Variants in OTOGL observed in about 807,000 individuals in gnomAD.
OTOGL encodes otogelin like.
In OTOGL, 285 loss-of-function variants were observed where a neutral mutation model predicts 318.5. The ratio of observed to expected loss-of-function variants is 0.89; its 90% CI spans 0.81 to 0.99. The LOEUF (loss-of-function observed/expected upper bound fraction) is 0.99. OTOGL is among the 50% of genes least tolerant of loss of function. The probability of loss-of-function intolerance (pLI) is 0.00; values close to 1 mark genes in which losing one functional copy is unlikely to be tolerated. For missense variants in OTOGL, 2,899 were observed against 2,845.6 expected (o/e 1.02, Z -0.43); for synonymous variants, 987 against 936.5 (o/e 1.05, Z -0.99).
In OTOGL at chr12:80,376,992, A is replaced by G. The variant is rs1891206902; in HGVS notation, c.6782-131A>G. 7 of 530,660 alleles carry G rather than the reference A, an allele frequency of 1.3e-5. No individual in the cohort carries two copies. In the East Asian group the frequency reaches 2.3e-4, roughly 18 times the overall value. 32.9% of individuals were successfully genotyped at this position (530,660 alleles called of 1,614,324 possible). ...TAAAAATGTAAGAGAGAAGTTTTAA[A>G]TATCTTTCAATACTGGAATATATTT... On this transcript the variant is annotated intron_variant, in intron 57 of 58. Transcript: ENST00000547103.
chr12:80,225,043 CA>C (rs1327638097), intron 7 of OTOGL, among the ~76,000 whole-genome samples: 1 of 150,522 alleles, frequency 6.6e-6, no homozygotes, highest in Non-Finnish European at 1.5e-5. Flanking sequence ...TATGTAACCA[CA>C]AAAATCAAAA....
At chr12:80,204,971 C>A (rs1876710390) in intron 1 of OTOGL, among the ~76,000 whole-genome samples, 1 of 151,924 alleles carries the variant, frequency 6.6e-6, no homozygotes, top group African/African-American at 2.4e-5. Context: ...GACATGGACC[C>A]CAAATTCAAA....
chr12:80,152,757 C>T lies in OTOGL; in HGVS notation c.-20+53152C>T, dbSNP rs1009396370. 2.6e-5 allele frequency among the ~76,000 whole-genome samples: 4 copies of T among 152,272 alleles called. No individual in the cohort carries two copies. The East Asian group carries it at 7.7e-4, about 29-fold the overall frequency. ...AGGCTGGAGTGCCGTGGCACAATCT[C>T]AGCTCACTGCAACCTCCACCTCCCG... On this transcript the variant is annotated intron_variant, in intron 1 of 58. Coordinates refer to ENST00000547103, the MANE Select transcript of OTOGL (RefSeq NM_001378609.3).
intron 1 of OTOGL, among the ~76,000 whole-genome samples, chr12:80,147,441 CT>C (rs1474928081): frequency 2.0e-5 from 3 of 150,876 alleles, no homozygotes; most frequent in Non-Finnish European, 4.4e-5. Flanking sequence ...AATCTCTGTT[CT>C]TTTACATTTG....
chr12:80,356,662 T>C (rs1889920769), intron 48 of OTOGL, 142 bp downstream of exon 48: 1 of 691,812 alleles, frequency 1.4e-6, no homozygotes, highest in Non-Finnish European at 2.2e-6. Context: ...TTAAACCTGG[T>C]ATATATCTTT....
chr12:80,212,781 A>C (rs1362188119), intron 4 of OTOGL, among the ~76,000 whole-genome samples: 1 of 152,188 alleles, frequency 6.6e-6, no homozygotes, highest in Non-Finnish European at 1.5e-5. Flanking sequence ...TTTGTGATAG[A>C]TGTCTGAATT....
chr12:80,239,575 A>G, intron 11 of OTOGL, 136 bp downstream of exon 11: 1 of 603,624 alleles, frequency 1.7e-6, no homozygotes. Flanking sequence ...GCAAACAGCT[A>G]TTAAAAGTTT....
chr12:80,265,562 G>T, intron 20 of OTOGL: 1 of 225,032 alleles, frequency 4.4e-6, no homozygotes, highest in East Asian at 9.8e-5. Flanking sequence ...TGACGCAGTT[G>T]ATTTGTATTT....
intron 1 of OTOGL, among the ~76,000 whole-genome samples, chr12:80,130,108 C>T (rs1476835502): frequency 6.6e-6 from 1 of 152,042 alleles, no homozygotes; most frequent in Non-Finnish European, 1.5e-5. Context: ...TAACTGGTTT[C>T]TTTGTATTCA....
intron 1 of OTOGL, among the ~76,000 whole-genome samples, chr12:80,192,651 C>G (rs12831533): frequency 0.43 from 65,020 of 152,142 alleles, 16,649 homozygotes; most frequent in Admixed American, 0.58. Flanking sequence ...ATAGCATGCT[C>G]TCTTAACAGG....
At position 80,339,283 on chromosome 12, in the gene OTOGL, A is replaced by G. The variant is rs1158630825; in HGVS notation, c.5050+19A>G. On this transcript the variant is annotated intron_variant, in intron 43 of 58. Transcript: ENST00000547103. ...CTCTGTGGTGAGCGCTGCCCTTCAA[A>G]TCTTGATTTCGTCTGTTTTTTTTTT... 9.9e-7 allele frequency: 1 copy of G among 1,012,338 alleles called. No individual in the cohort carries two copies. The highest frequency in any genetic ancestry group is 1.4e-6 in the Non-Finnish European group (1 of 718,796). The allele number at this position is 1,012,338 out of a possible 1,614,324, so 62.7% of individuals were successfully genotyped here. A position where few individuals can be genotyped will look rare whatever the true frequency, so the allele number is the denominator to read the frequency against.
chr12:80,368,872 A>G (rs987225689), intron 55 of OTOGL, among the ~76,000 whole-genome samples: 10 of 151,734 alleles, frequency 6.6e-5, no homozygotes, highest in African/African-American at 2.4e-4. Context: ...TCTTAAAGCA[A>G]ATTAACAGAG....
intron 37 of OTOGL, among the ~76,000 whole-genome samples, chr12:80,331,457 C>G (rs553441127): frequency 1.5e-4 from 23 of 149,520 alleles, no homozygotes; most frequent in African/African-American, 5.6e-4. Context: ...TCTCCTGCCT[C>G]ATCCTCCCAA....
intron 32 of OTOGL, among the ~76,000 whole-genome samples, chr12:80,317,277 T>C (rs1230995782): frequency 6.6e-6 from 1 of 152,182 alleles, no homozygotes; most frequent in East Asian, 1.9e-4. Flanking sequence ...ATGGTGAAAT[T>C]ATACTTCTCC....
chr12:80,191,369 C>T (rs1190762241), intron 1 of OTOGL, among the ~76,000 whole-genome samples: 4 of 152,096 alleles, frequency 2.6e-5, no homozygotes, highest in African/African-American at 7.2e-5. Flanking sequence ...ACCCAGGAGG[C>T]GGAGGTTGCA....
chr12:80,341,481 G>A (rs1046545144), intron 43 of OTOGL, among the ~76,000 whole-genome samples: 1 of 152,152 alleles, frequency 6.6e-6, no homozygotes, highest in Non-Finnish European at 1.5e-5. Context: ...CATGCACTAG[G>A]TGATGGAGTA....
chr12:80,187,724 T>A (rs1875389413), intron 1 of OTOGL, among the ~76,000 whole-genome samples: 1 of 152,164 alleles, frequency 6.6e-6, no homozygotes, highest in South Asian at 2.1e-4. Flanking sequence ...AAAGGGACAG[T>A]CATTCCAAAA....
intron 4 of OTOGL, among the ~76,000 whole-genome samples, chr12:80,214,924 A>G (rs1180755137): frequency 6.6e-6 from 1 of 152,168 alleles, no homozygotes; most frequent in African/African-American, 2.4e-5. Flanking sequence ...TAAAATCTGC[A>G]TGTCACACCT....
chr12:80,351,294 T>C (rs1889527553), intron 44 of OTOGL, among the ~76,000 whole-genome samples: 2 of 147,444 alleles, frequency 1.4e-5, no homozygotes, highest in Non-Finnish European at 3.1e-5. Context: ...CATTGTGTTT[T>C]TTTTTTTTTT....
Sources: gnomAD v4.1 joint callset for allele counts (sites outside exome capture counted in the v4.1 genomes callset) on GRCh38, gnomAD v4.1.1 for gene constraint, MANE v1.5 for transcripts, NCBI Gene and HGNC (gene_info 2026-07-23, HGNC 2026-07-21) for gene names.